Variants in FCHO2 observed in about 807,000 individuals in gnomAD.
FCHO2 encodes the protein F-BAR domain only protein 2.
In FCHO2, 43 loss-of-function variants were observed where a neutral mutation model predicts 114.1. That is an observed-to-expected ratio of 0.38 (90% CI 0.30 to 0.49). The LOEUF is 0.49. Ranked by LOEUF, FCHO2 falls within the 20% of genes least tolerant of loss-of-function variation. The probability of loss-of-function intolerance (pLI) is 0.97; values close to 1 mark genes in which losing one functional copy is unlikely to be tolerated. For missense variants in FCHO2, 807 were observed against 950.4 expected (o/e 0.85, Z 1.98); for synonymous variants, 293 against 315.2 (o/e 0.93, Z 0.75).
intron 13 of FCHO2, 193 bp downstream of exon 13, chr5:73,052,700 C>A: frequency 1.9e-6 from 1 of 518,424 alleles, no homozygotes; most frequent in Non-Finnish European, 3.4e-6. Context: ...GTGAAAATGT[C>A]AAAAATTTAC....
chr5:72,972,165 G>A (rs1027494333), intron 2 of FCHO2, among the ~76,000 whole-genome samples: 2 of 152,014 alleles, frequency 1.3e-5, no homozygotes. Flanking sequence ...TTTGGCTTAG[G>A]ATTGACTTGG....
At chr5:72,975,788 A>T (rs1356644180) in intron 2 of FCHO2, among the ~76,000 whole-genome samples, 2 of 152,164 alleles carry the variant, frequency 1.3e-5, no homozygotes, top group Non-Finnish European at 2.9e-5. Flanking sequence ...TACAGGCATG[A>T]GCCACTGTGC....
intron 8 of FCHO2, 40 bp downstream of exon 8, chr5:73,017,348 C>T (rs759685920): frequency 1.5e-6 from 2 of 1,318,798 alleles, no homozygotes; most frequent in East Asian, 5.2e-5. Flanking sequence ...TTTAAATTTT[C>T]CCATATAGTA....
chr5:72,990,367 C>G, intron 3 of FCHO2, 111 bp from the exon 4 acceptor site: 1 of 752,608 alleles, frequency 1.3e-6, no homozygotes. Flanking sequence ...TCATCTTTTG[C>G]CTAAATAAAG....
At chr5:72,962,378 T>C (rs1476989542) in intron 1 of FCHO2, among the ~76,000 whole-genome samples, 1 of 152,356 alleles carries the variant, frequency 6.6e-6, no homozygotes, top group South Asian at 2.1e-4. Flanking sequence ...GGAACAGTTA[T>C]GCTTTAAATC....
rs767244971 is a variant in FCHO2, at chr5:73,052,536, TATA to T, written c.1173+31_1173+33del. ...AGTACAAACACGTTTGTACTCTTTA[TATA>T]AAAGTCTTTATTTTTCTTACCTACC... On this transcript the variant is annotated intron_variant, in intron 13 of 25. Transcript: ENST00000430046. 2.6e-6 allele frequency: 4 copies of T among 1,516,254 alleles called. No homozygotes were observed. In the South Asian group the frequency reaches 5.1e-5, roughly 19 times the overall value. The allele number at this position is 1,516,254 out of a possible 1,614,324, so 93.9% of individuals were successfully genotyped here. A position where few individuals can be genotyped will look rare whatever the true frequency, so the allele number is the denominator to read the frequency against.
intron 16 of FCHO2, among the ~76,000 whole-genome samples, chr5:73,056,691 T>A (rs1337444259): frequency 6.6e-6 from 1 of 152,224 alleles, no homozygotes; most frequent in African/African-American, 2.4e-5. Flanking sequence ...AAATAAATGA[T>A]GAAACCCTAA....
chr5:72,973,533 G>A (rs1190267709), intron 2 of FCHO2, among the ~76,000 whole-genome samples: 1 of 149,674 alleles, frequency 6.7e-6, no homozygotes, highest in African/African-American at 2.6e-5. Context: ...GTATTTCTGT[G>A]GGATCGGTGG....
chr5:72,995,259 AT>A (rs71614498), intron 5 of FCHO2, among the ~76,000 whole-genome samples: 194 of 144,152 alleles, frequency 1.3e-3, no homozygotes, highest in Middle Eastern at 3.6e-3. Flanking sequence ...AAACTGGGTA[AT>A]TTTTTTTTTT....
At chr5:73,046,164 A>G (rs1022568366) in intron 11 of FCHO2, among the ~76,000 whole-genome samples, 9 of 152,206 alleles carry the variant, frequency 5.9e-5, no homozygotes, top group Non-Finnish European at 1.0e-4. Context: ...TCCTTGGCTC[A>G]AGTGATCCTT....
intron 9 of FCHO2, 110 bp from the exon 10 acceptor site, chr5:73,037,033 C>A: frequency 1.7e-6 from 1 of 584,104 alleles, no homozygotes; most frequent in Non-Finnish European, 2.8e-6. Flanking sequence ...CCACATTTAG[C>A]ATCAGCAGTT....
intron 20 of FCHO2, among the ~76,000 whole-genome samples, chr5:73,075,939 T>G (rs1476540087): frequency 6.6e-6 from 1 of 152,154 alleles, no homozygotes; most frequent in Non-Finnish European, 1.5e-5. Flanking sequence ...CTTGGTAGTG[T>G]AATTAGTTTG....
rs115575140 is a variant in FCHO2 at position 72,965,323 on chromosome 5, C to A, written c.34-3175C>A. Among the ~76,000 whole-genome samples, 542 of 152,222 alleles carry A rather than the reference C, an allele frequency of 3.6e-3. 5 individuals are homozygous for A. The highest frequency in any genetic ancestry group is 0.013 in the African/African-American group (527 of 41,522). On this transcript the variant is annotated intron_variant, in intron 1 of 25. Transcript: ENST00000430046. ...AGTTATGTTTACACTATATTATTTA[C>A]ACTATACTGGTGTATTAAATGTGCA...
chr5:73,017,285 A>G lies in FCHO2; in HGVS notation c.773A>G (p.Lys258Arg). 1.9e-6 allele frequency: 3 copies of G among 1,565,328 alleles called. No individual in the cohort carries two copies. The highest frequency in any genetic ancestry group is 2.6e-6 in the Non-Finnish European group (3 of 1,153,992). Residue 258 changes from lysine to arginine, a missense_variant, in exon 8 of 26, where the codon AAA (lysine) becomes AGA (arginine). Lys to Arg is a conservative substitution (Grantham distance 26). Transcript: ENST00000430046. ...ESLIQKFAES[K>R]GTGKERPGLI... ...TTGATACAAAAATTTGCTGAGTCAA[A>G]AGGCACTGGGAAGGAAAGACCTGGT...
At chr5:73,036,187 C>T (rs1452913124) in intron 9 of FCHO2, among the ~76,000 whole-genome samples, 1 of 151,912 alleles carries the variant, frequency 6.6e-6, no homozygotes, top group Non-Finnish European at 1.5e-5. Context: ...CATGACTGGC[C>T]TTTAAAAATA....
chr5:73,074,945 T>A, intron 20 of FCHO2, 92 bp downstream of exon 20: 2 of 1,006,066 alleles, frequency 2.0e-6, no homozygotes, highest in Non-Finnish European at 2.9e-6. Context: ...AGAATTACAT[T>A]TTGATTCTGT....
intron 2 of FCHO2, among the ~76,000 whole-genome samples, chr5:72,982,441 C>T (rs999357873): frequency 2.0e-5 from 3 of 152,158 alleles, no homozygotes; most frequent in African/African-American, 7.2e-5. Context: ...GTGTCATTTG[C>T]AAATATTTTC....
At chr5:73,084,564 C>G (rs1342735380) in intron 24 of FCHO2, among the ~76,000 whole-genome samples, 1 of 152,204 alleles carries the variant, frequency 6.6e-6, no homozygotes, top group African/African-American at 2.4e-5. Context: ...CCATGCTCAG[C>G]CTAGTCTCCA....
At chr5:72,996,851 C>T (rs1022713364) in intron 5 of FCHO2, 80 of 1,091,588 alleles carry the variant, frequency 7.3e-5, no homozygotes, top group Non-Finnish European at 9.7e-5. Context: ...GGGGGGCTGG[C>T]GGAGCTGTGC....
Sources: gnomAD v4.1 joint callset for allele counts (sites outside exome capture counted in the v4.1 genomes callset) on GRCh38, gnomAD v4.1.1 for gene constraint, MANE v1.5 for transcripts, NCBI Gene and HGNC (gene_info 2026-07-23, HGNC 2026-07-21) for gene names.